SLC24A2: variants seen among roughly 807,000 people sequenced by gnomAD.
SLC24A2 encodes the protein sodium/potassium/calcium exchanger 2.
SLC24A2 carries 36 observed loss-of-function variants against 62.0 expected under a neutral mutation model. The observed-to-expected ratio is 0.58, with a 90% CI of 0.44 to 0.77. The LOEUF is 0.77. Ranked by LOEUF, SLC24A2 falls within the 30% of genes least tolerant of loss-of-function variation. The pLI, the probability that SLC24A2 is intolerant of heterozygous loss-of-function variation, is 0.00. For missense variants in SLC24A2, 846 were observed against 817.9 expected (o/e 1.03, Z -0.42); for synonymous variants, 358 against 294.0 (o/e 1.22, Z -2.23).
intron 2 of SLC24A2, among the ~76,000 whole-genome samples, chr9:19,655,882 G>A (rs1045699172): frequency 6.6e-6 from 1 of 152,110 alleles, no homozygotes; most frequent in Non-Finnish European, 1.5e-5. Context: ...GTCTTCCACA[G>A]GTATGGGAGA....
the SLC24A2 span, among the ~76,000 whole-genome samples, chr9:20,119,902 A>C: frequency 6.6e-6 from 1 of 152,222 alleles, no homozygotes; most frequent in Non-Finnish European, 1.5e-5. Context: ...CAATTTTGAC[A>C]AACTTAGAGG....
the SLC24A2 span, among the ~76,000 whole-genome samples, chr9:19,810,932 C>G: frequency 1.3e-3 from 199 of 152,228 alleles, no homozygotes; most frequent in African/African-American, 4.5e-3. Flanking sequence ...GGGAACGTTT[C>G]TAACTGAAAT....
chr9:20,159,095 A>G, the SLC24A2 span, among the ~76,000 whole-genome samples: 1 of 151,690 alleles, frequency 6.6e-6, no homozygotes, highest in Non-Finnish European at 1.5e-5. Flanking sequence ...TTTTCAAGAA[A>G]TTTAAGGAAA....
chr9:20,147,520 A>G, the SLC24A2 span, among the ~76,000 whole-genome samples: 27 of 152,166 alleles, frequency 1.8e-4, no homozygotes, highest in Non-Finnish European at 3.1e-4. Context: ...AAAGCTAGAG[A>G]AAAGAGCTAT....
chr9:19,622,153 C>T lies in SLC24A2; in HGVS notation c.969+108G>A, dbSNP rs977932410. The stretch of plus-strand genomic sequence containing the variant: ...CAGGGGTTAGATTATTTAAGTATTC[C>T]AAGGGAGAGAGTAATGTGTTGAGCA... On this transcript the variant is annotated intron_variant, in intron 3 of 10. Transcript: ENST00000341998. 2.2e-5 allele frequency: 19 copies of T among 880,418 alleles called. No homozygotes were observed. The East Asian group carries it at 4.7e-4, about 22-fold the overall frequency. The allele number at this position is 880,418 out of a possible 1,614,324, so 54.5% of individuals were successfully genotyped here. A position where few individuals can be genotyped will look rare whatever the true frequency, so the allele number is the denominator to read the frequency against.
At chr9:19,832,775 A>C in the SLC24A2 span, among the ~76,000 whole-genome samples, 3 of 152,222 alleles carry the variant, frequency 2.0e-5, no homozygotes, top group Admixed American at 2.0e-4. Flanking sequence ...TCTGCACAGA[A>C]AAGAAACTAC....
At chr9:19,885,729 T>A in the SLC24A2 span, among the ~76,000 whole-genome samples, 1 of 152,120 alleles carries the variant, frequency 6.6e-6, no homozygotes, top group South Asian at 2.1e-4. Context: ...AGGTATTATT[T>A]CTGTGCCTCT....
At chr9:19,891,661 G>A in the SLC24A2 span, among the ~76,000 whole-genome samples, 12 of 152,236 alleles carry the variant, frequency 7.9e-5, no homozygotes, top group African/African-American at 1.7e-4. Context: ...TGGGAAGATC[G>A]CTTGAGACCA....
At chr9:20,093,867 G>A in the SLC24A2 span, among the ~76,000 whole-genome samples, 4 of 152,044 alleles carry the variant, frequency 2.6e-5, no homozygotes, top group South Asian at 8.3e-4. Context: ...ATGGATACCC[G>A]ATTTACTCTG....
At chr9:19,526,710 AT>A (rs1245024415) in intron 9 of SLC24A2, among the ~76,000 whole-genome samples, 2 of 152,104 alleles carry the variant, frequency 1.3e-5, no homozygotes, top group East Asian at 3.9e-4. Context: ...TTGCCTTCCT[AT>A]TATGGAGCTT....
intron 9 of SLC24A2, among the ~76,000 whole-genome samples, chr9:19,527,787 G>A (rs1210533833): frequency 6.6e-6 from 1 of 152,160 alleles, no homozygotes; most frequent in African/African-American, 2.4e-5. Context: ...CCTGGTGTCT[G>A]TCAGGCTGCA....
the SLC24A2 span, among the ~76,000 whole-genome samples, chr9:19,869,668 G>C: frequency 1.3e-5 from 2 of 152,042 alleles, no homozygotes; most frequent in Non-Finnish European, 2.9e-5. Context: ...AATTAAAAAA[G>C]CTGTGTCCTT....
chr9:20,275,967 C>T, the SLC24A2 span, among the ~76,000 whole-genome samples: 21 of 152,084 alleles, frequency 1.4e-4, no homozygotes, highest in African/African-American at 3.4e-4. Flanking sequence ...TACCTCCTAC[C>T]GGGTCCCTCC....
intron 3 of SLC24A2, 24 bp downstream of exon 3, chr9:19,622,237 A>G: frequency 1.2e-6 from 2 of 1,610,142 alleles, no homozygotes; most frequent in Non-Finnish European, 1.7e-6. Context: ...ACAAACAGGT[A>G]CAGACAAAGC....
At position 19,563,239 on chromosome 9, in the gene SLC24A2, G is replaced by A. The variant is rs148451419; in HGVS notation, c.1347+10112C>T. ...TGTCAGACATAAATACACACACACC[G>A]CTTTTCACCAATGCCTCTACTTCTT... On this transcript the variant is annotated intron_variant, in intron 7 of 10. Transcript: ENST00000341998. Among the ~76,000 whole-genome samples the A allele has an allele frequency of 1.7e-3, 254 of 152,122 alleles. 3 individuals carry two copies. Among genetic ancestry groups the A allele is most frequent in the African/African-American group, 5.9e-3 (247 of 41,528 alleles).
At chr9:19,541,518 GGGGGTCA>G (rs551646138) in intron 8 of SLC24A2, among the ~76,000 whole-genome samples, 15,987 of 148,382 alleles carry the variant, frequency 0.11, 1,433 homozygotes, top group East Asian at 0.38. Context: ...TAGGCTGCTC[GGGGGTCA>G]GGGGTCAGGG....
At chr9:20,105,165 G>A in the SLC24A2 span, among the ~76,000 whole-genome samples, 3 of 152,120 alleles carry the variant, frequency 2.0e-5, no homozygotes, top group Admixed American at 6.5e-5. Flanking sequence ...AAATATATAT[G>A]CACCCAATAC....
At chr9:20,229,938 G>A in the SLC24A2 span, among the ~76,000 whole-genome samples, 5 of 136,876 alleles carry the variant, frequency 3.7e-5, no homozygotes, top group South Asian at 2.3e-4. Context: ...CTGTGTCCAT[G>A]TGTTCTCATT....
chr9:19,550,343 A>G, intron 7 of SLC24A2, 75 bp from the exon 8 acceptor site: 1 of 1,450,774 alleles, frequency 6.9e-7, no homozygotes, highest in Non-Finnish European at 9.7e-7. Context: ...AGGAGCACAG[A>G]ACAAAGGGGA....
Sources: allele counts gnomAD v4.1 joint callset (sites outside exome capture counted in the v4.1 genomes callset), GRCh38; gene constraint gnomAD v4.1.1; transcripts MANE v1.5; gene names NCBI Gene and HGNC (gene_info 2026-07-23, HGNC 2026-07-21).